Variants in CCNY observed in about 807,000 individuals in gnomAD.
CCNY encodes cyclin-Y.
A neutral mutation model predicts 42.8 loss-of-function variants in CCNY; 19 were observed. That is an observed-to-expected ratio of 0.44 (90% CI 0.31 to 0.65). The LOEUF is 0.65. Ranked by LOEUF, CCNY falls within the 30% of genes least tolerant of loss-of-function variation. CCNY has a pLI of 0.07. For missense variants in CCNY, 370 were observed against 437.3 expected (o/e 0.85, Z 1.37); for synonymous variants, 165 against 162.7 (o/e 1.01, Z -0.11).
At chr10:35,377,983 T>C (rs1450424996) in intron 1 of CCNY, among the ~76,000 whole-genome samples, 4 of 151,914 alleles carry the variant, frequency 2.6e-5, no homozygotes, top group African/African-American at 9.7e-5. Flanking sequence ...AAGAAAGGAG[T>C]ATTGTTTTAT....
At chr10:35,545,148 G>T (rs1841085920) in intron 7 of CCNY, among the ~76,000 whole-genome samples, 1 of 152,192 alleles carries the variant, frequency 6.6e-6, no homozygotes, top group Non-Finnish European at 1.5e-5. Context: ...GTTCCCTGTT[G>T]TTAGCTGAGA....
chr10:35,517,749 C>T (rs1404891341), intron 4 of CCNY, among the ~76,000 whole-genome samples: 1 of 152,186 alleles, frequency 6.6e-6, no homozygotes, highest in East Asian at 1.9e-4. Context: ...CGGGAAGTGA[C>T]TAGTGGGCAT....
At chr10:35,303,030 T>C (rs1012599627) in intron 3 of CCNY, among the ~76,000 whole-genome samples, 1 of 152,086 alleles carries the variant, frequency 6.6e-6, no homozygotes, top group African/African-American at 2.4e-5. Context: ...ACCCTGTCTC[T>C]ACAAAAATAA....
chr10:35,450,749 G>T (rs367706011), intron 1 of CCNY, among the ~76,000 whole-genome samples: 1 of 150,790 alleles, frequency 6.6e-6, no homozygotes, highest in South Asian at 2.1e-4. Context: ...TTCTTAATAA[G>T]AAATGCCTAT....
intron 1 of CCNY, among the ~76,000 whole-genome samples, chr10:35,388,168 C>T (rs570147358): frequency 6.6e-6 from 1 of 152,292 alleles, no homozygotes; most frequent in South Asian, 2.1e-4. Flanking sequence ...TCTTCTGCAG[C>T]CTTTCCTGGT....
intron 1 of CCNY, among the ~76,000 whole-genome samples, chr10:35,456,852 G>A (rs941078187): frequency 3.9e-5 from 6 of 152,108 alleles, no homozygotes; most frequent in African/African-American, 7.2e-5. Context: ...GAACTTGGCC[G>A]TCAGGAATCA....
intron 7 of CCNY, among the ~76,000 whole-genome samples, chr10:35,544,533 T>C (rs984190502): frequency 2.0e-5 from 3 of 152,218 alleles, no homozygotes; most frequent in African/African-American, 7.2e-5. Flanking sequence ...TTTTTCAGAA[T>C]GTACCCATTG....
chr10:35,514,075 C>CAAAAA (rs11451104), intron 3 of CCNY, among the ~76,000 whole-genome samples: 72 of 76,170 alleles, frequency 9.5e-4, no homozygotes, highest in Middle Eastern at 8.3e-3. Flanking sequence ...AGGACCAGTT[C>CAAAAA]AAAAAAAAAA....
At chr10:35,439,474 T>G (rs111788113) in intron 1 of CCNY, among the ~76,000 whole-genome samples, 1 of 152,122 alleles carries the variant, frequency 6.6e-6, no homozygotes, top group Non-Finnish European at 1.5e-5. Context: ...TTGTTTATAG[T>G]TTTTATTTGT....
intron 3 of CCNY, among the ~76,000 whole-genome samples, chr10:35,272,204 C>T (rs1355836757): frequency 6.6e-5 from 10 of 152,008 alleles, no homozygotes; most frequent in Non-Finnish European, 2.9e-5. Context: ...CCAGGCTAGT[C>T]TCAAACTCCT....
intron 3 of CCNY, among the ~76,000 whole-genome samples, chr10:35,507,711 T>C (rs933454874): frequency 6.6e-6 from 1 of 152,156 alleles, no homozygotes; most frequent in Non-Finnish European, 1.5e-5. Context: ...GCATGCACGC[T>C]CTATGTCCTT....
At chr10:35,441,400 G>A (rs541986952) in intron 1 of CCNY, among the ~76,000 whole-genome samples, 11 of 152,256 alleles carry the variant, frequency 7.2e-5, no homozygotes, top group African/African-American at 2.2e-4. Context: ...CATTGTGTAC[G>A]TTTCTTGTTT....
intron 2 of CCNY, among the ~76,000 whole-genome samples, chr10:35,249,875 C>A (rs1432388684): frequency 2.0e-5 from 3 of 152,078 alleles, no homozygotes; most frequent in African/African-American, 2.4e-5. Flanking sequence ...CATGGTGAAA[C>A]CCTGTCTCTA....
rs60407989 is a variant in CCNY, at chr10:35,307,760, A to ATGTGTG, written c.-9+57170_-9+57175dup. Among the ~76,000 whole-genome samples, 67 of 116,156 alleles carry ATGTGTG rather than the reference A, an allele frequency of 5.8e-4. 1 individual carries two copies. The highest frequency in any genetic ancestry group is 1.7e-3 in the Admixed American group (17 of 10,140). The allele number at this position is 116,156 out of a possible 152,430, so 76.2% of individuals were successfully genotyped here. ...TATATATACATATTGATGTGTATAT[A>ATGTGTG]TGTGTGTGTGTGTGTGTGTGTGTGT... On this transcript the variant is annotated intron_variant, in intron 3 of 11. Coordinates refer to the CCNY transcript ENST00000374706.
At chr10:35,256,492 G>T (rs1034446294) in intron 3 of CCNY, among the ~76,000 whole-genome samples, 1 of 152,048 alleles carries the variant, frequency 6.6e-6, no homozygotes, top group African/African-American at 2.4e-5. Flanking sequence ...CCAGCACTCT[G>T]GGGGGTCAAG....
intron 5 of CCNY, among the ~76,000 whole-genome samples, chr10:35,527,492 A>G (rs1840676007): frequency 1.3e-5 from 2 of 152,200 alleles, no homozygotes; most frequent in East Asian, 1.9e-4. Flanking sequence ...AGTTCTTTAC[A>G]TGCTTTAATA....
At chr10:35,392,056 A>G (rs947348646) in intron 1 of CCNY, among the ~76,000 whole-genome samples, 1 of 152,240 alleles carries the variant, frequency 6.6e-6, no homozygotes, top group African/African-American at 2.4e-5. Flanking sequence ...TATAAAAGGA[A>G]CATATGTTTG....
chr10:35,524,908 A>G (rs1241644049), intron 4 of CCNY, among the ~76,000 whole-genome samples: 1 of 152,218 alleles, frequency 6.6e-6, no homozygotes, highest in African/African-American at 2.4e-5. Context: ...ACTTTCCGCA[A>G]AGATGTTTGG....
intron 1 of CCNY, among the ~76,000 whole-genome samples, chr10:35,469,249 A>G (rs975058749): frequency 5.3e-5 from 8 of 152,248 alleles, no homozygotes; most frequent in Admixed American, 1.3e-4. Flanking sequence ...ACTTATAGGC[A>G]TTTAAAAGGC....
Sources: allele counts gnomAD v4.1 joint callset (sites outside exome capture counted in the v4.1 genomes callset), GRCh38; gene constraint gnomAD v4.1.1; transcripts MANE v1.5; gene names NCBI Gene and HGNC (gene_info 2026-07-23, HGNC 2026-07-21).